The following EIF4G3 variants were observed in gnomAD, a reference collection of about 807,000 sequenced individuals.
EIF4G3 encodes eukaryotic translation initiation factor 4 gamma 3, also known as eIF-4-gamma 3.
Under a neutral mutation model 186.4 loss-of-function variants are expected in EIF4G3, and 34 were observed. That is an observed-to-expected ratio of 0.18 (90% CI 0.14 to 0.24). The LOEUF (loss-of-function observed/expected upper bound fraction) is 0.24. Among genes scored for constraint, EIF4G3 ranks in the 10% least tolerant of loss-of-function variants. The pLI is 1.00. For synonymous variants in EIF4G3, 673 were observed against 679.5 expected, an observed-to-expected ratio of 0.99 and a Z score of 0.15; for missense variants, 1,536 against 1,948.5, an observed-to-expected ratio of 0.79 and a Z score of 3.99.
chr1:20,837,338 T>C (rs567048351), intron 30 of EIF4G3, among the ~76,000 whole-genome samples: 1 of 152,304 alleles, frequency 6.6e-6, no homozygotes, highest in East Asian at 1.9e-4. Context: ...CCCGAGCAGC[T>C]GGGATTACAG....
intron 3 of EIF4G3, among the ~76,000 whole-genome samples, chr1:21,078,127 CATTT>C (rs2095645882): frequency 6.6e-6 from 1 of 152,130 alleles, no homozygotes; most frequent in African/African-American, 2.4e-5. Context: ...TTATAGCATT[CATTT>C]ATTTATTAAT....
In EIF4G3 at chr1:21,107,937, C is replaced by G. The variant is rs964777801; in HGVS notation, c.-271-18724G>C. ...CCAAGGCAGGAGGACTGCTTGAGCC[C>G]AGGAATTCAAGACCAGCCTGGGCAA... is the stretch of plus-strand genomic sequence containing the variant. On this transcript the variant is annotated intron_variant, in intron 2 of 36. Coordinates refer to ENST00000602326, the MANE Select transcript of EIF4G3 (RefSeq NM_001391906.1). 2.0e-5 allele frequency among the ~76,000 whole-genome samples: 3 copies of G among 152,238 alleles called. No individual in the cohort carries two copies. In the South Asian group the frequency reaches 6.2e-4, roughly 31 times the overall value.
intron 2 of EIF4G3, among the ~76,000 whole-genome samples, chr1:21,138,474 G>A (rs2097284961): frequency 6.6e-6 from 1 of 152,178 alleles, no homozygotes; most frequent in African/African-American, 2.4e-5. Context: ...GTACATGTCA[G>A]AAGGTTCAGC....
At chr1:20,981,634 GCACATACTGTATGTATACATACATGTATA>G (rs2078159850) in intron 8 of EIF4G3, among the ~76,000 whole-genome samples, 2 of 95,972 alleles carry the variant, frequency 2.1e-5, no homozygotes, top group African/African-American at 8.9e-5. Flanking sequence ...ACATGTATAC[GCACATACTGTATGTATACATACATGTATA>G]CGCACATACT....
At chr1:21,021,895 C>T (rs917686105) in intron 4 of EIF4G3, among the ~76,000 whole-genome samples, 46 of 152,194 alleles carry the variant, frequency 3.0e-4, no homozygotes, top group African/African-American at 1.1e-3. Context: ...ATGGTAGGCA[C>T]AAACCTTCAG....
intron 3 of EIF4G3, among the ~76,000 whole-genome samples, chr1:21,072,624 G>C (rs758172855): frequency 1.3e-5 from 2 of 151,918 alleles, no homozygotes; most frequent in Non-Finnish European, 2.9e-5. Flanking sequence ...GGATGGTCTC[G>C]ATCTCCTGAC....
chr1:21,054,059 C>A (rs1368871779), intron 3 of EIF4G3, among the ~76,000 whole-genome samples: 1 of 152,052 alleles, frequency 6.6e-6, no homozygotes, highest in South Asian at 2.1e-4. Flanking sequence ...ATTGAGAAAT[C>A]GGATGGTTGC....
chr1:21,110,925 T>C (rs1259186776), intron 2 of EIF4G3, among the ~76,000 whole-genome samples: 1 of 152,236 alleles, frequency 6.6e-6, no homozygotes, highest in Non-Finnish European at 1.5e-5. Flanking sequence ...TAAACACTTT[T>C]GTTTCTTCCT....
chr1:21,066,665 A>G (rs1221523935), intron 3 of EIF4G3, among the ~76,000 whole-genome samples: 1 of 152,180 alleles, frequency 6.6e-6, no homozygotes, highest in East Asian at 1.9e-4. Flanking sequence ...TTGAAGTTAA[A>G]TGCTCCAGTG....
At chr1:21,100,683 T>C (rs1463083988) in intron 2 of EIF4G3, among the ~76,000 whole-genome samples, 1 of 152,094 alleles carries the variant, frequency 6.6e-6, no homozygotes, top group Non-Finnish European at 1.5e-5. Context: ...GCACTATGAT[T>C]ATGCCAGGCT....
chr1:20,900,039 C>T, intron 15 of EIF4G3, 96 bp from the exon 16 acceptor site: 1 of 1,239,808 alleles, frequency 8.1e-7, no homozygotes, highest in Non-Finnish European at 1.1e-6. Context: ...CAAAGGAAAA[C>T]ATGTCATTCA....
intron 31 of EIF4G3, among the ~76,000 whole-genome samples, chr1:20,828,380 T>C (rs180707463): frequency 5.3e-5 from 8 of 152,254 alleles, no homozygotes; most frequent in Non-Finnish European, 8.8e-5. Context: ...GATGAAATTA[T>C]GGATGAAACA....
chr1:20,883,880 ATCAGTGTTTCAGGTAGATGAC>A (rs1178415462), intron 19 of EIF4G3, among the ~76,000 whole-genome samples: 1 of 152,182 alleles, frequency 6.6e-6, no homozygotes, highest in African/African-American at 2.4e-5. Context: ...AAAGACAAAA[ATCAGTGTTTCAGGTAGATGAC>A]TCAGGCAGCA....
At chr1:21,027,758 C>T (rs939957791) in intron 4 of EIF4G3, among the ~76,000 whole-genome samples, 4 of 152,054 alleles carry the variant, frequency 2.6e-5, no homozygotes, top group Admixed American at 6.5e-5. Context: ...TAGGAATAAC[C>T]ATACAGTTCT....
rs1358880092 is a variant in EIF4G3 at position 21,176,196 on chromosome 1, A to T, written c.-293T>A. Reference sequence around the variant, plus strand: ...ATACTGTTGGGGCGCCTGAGTCTGGAGGGCCCTGATGTTCGGGTGAGGAGG... The same window carrying T: ...ATACTGTTGGGGCGCCTGAGTCTGGTGGGCCCTGATGTTCGGGTGAGGAGG... On this transcript the variant is annotated 5_prime_UTR_variant, in exon 2 of 37. Coordinates refer to ENST00000602326, the MANE Select transcript of EIF4G3 (RefSeq NM_001391906.1). The T allele has an allele frequency of 2.4e-6, 1 of 417,942 alleles. No individual in the cohort carries two copies. The highest frequency in any genetic ancestry group is 4.2e-6 in the Non-Finnish European group (1 of 239,012). 25.9% of individuals were successfully genotyped at this position (417,942 alleles called of 1,614,324 possible).
In EIF4G3 at chr1:20,807,498, A is replaced by G. The variant is rs767142331; in HGVS notation, c.4747T>C (p.Leu1583=). 1 of 1,582,966 alleles carries G rather than the reference A, an allele frequency of 6.3e-7. No homozygotes were observed. The highest frequency in any genetic ancestry group is 8.6e-7 in the Non-Finnish European group (1 of 1,158,810). ...AGACAATCAAAAAACATCCGCAGCA[A>G]ATCTGCAAGGAGGTGAAAATAAACT... ...SIVKLDQPAN[L]LRMFFDCLYD... is the part of the protein sequence containing the mutation. The change falls in exon 37 of 37, where the codon TTG becomes CTG. Residue 1583 remains leucine (L), a splice_region_variant and synonymous_variant. Coordinates refer to ENST00000602326, the MANE Select transcript of EIF4G3 (RefSeq NM_001391906.1).
intron 7 of EIF4G3, among the ~76,000 whole-genome samples, chr1:20,985,083 G>A (rs2079157872): frequency 6.6e-6 from 1 of 152,096 alleles, no homozygotes; most frequent in African/African-American, 2.4e-5. Context: ...CTCATGAAAT[G>A]GAATACCCCC....
intron 4 of EIF4G3, among the ~76,000 whole-genome samples, chr1:21,025,191 G>A (rs1280377271): frequency 6.6e-6 from 1 of 152,210 alleles, no homozygotes; most frequent in African/African-American, 2.4e-5. Context: ...ATGAGGTAGA[G>A]TGAGAGGAGG....
chr1:21,117,126 A>G (rs2096838717), intron 2 of EIF4G3, among the ~76,000 whole-genome samples: 1 of 152,190 alleles, frequency 6.6e-6, no homozygotes, highest in South Asian at 2.1e-4. Flanking sequence ...GGTGAAGGAC[A>G]AAGACAATAC....
Sources: gnomAD v4.1 joint callset for allele counts (sites outside exome capture counted in the v4.1 genomes callset) on GRCh38, gnomAD v4.1.1 for gene constraint, MANE v1.5 for transcripts, NCBI Gene and HGNC (gene_info 2026-07-23, HGNC 2026-07-21) for gene names.